The following TENM2 variants were observed in gnomAD, a reference collection of about 807,000 sequenced individuals.
TENM2 encodes the protein teneurin transmembrane protein 2, also known as teneurin-2.
TENM2 carries 52 observed loss-of-function variants against 245.2 expected under a neutral mutation model. That is an observed-to-expected ratio of 0.21 (90% CI 0.17 to 0.27). The LOEUF (loss-of-function observed/expected upper bound fraction) is 0.27, where lower values mean the gene tolerates loss of function less well. Among genes scored for constraint, TENM2 ranks in the 10% least tolerant of loss-of-function variants. The pLI, the probability that TENM2 is intolerant of heterozygous loss-of-function variation, is 1.00. For missense variants in TENM2, 3,046 were observed against 3,666.8 expected, an observed-to-expected ratio of 0.83 and a Z score of 4.37; for synonymous variants, 1,363 against 1,438.9, an observed-to-expected ratio of 0.95 and a Z score of 1.19.
At chr5:167,952,342 G>C (rs547377000) in intron 3 of TENM2, 1 of 583,392 alleles carries the variant, frequency 1.7e-6, no homozygotes, top group Non-Finnish European at 3.1e-6. Context: ...TTATCCACCT[G>C]GTTTTGCTAA....
the TENM2 span, among the ~76,000 whole-genome samples, chr5:167,056,571 G>GTATCTATATAAATATATCTATAAATATA: frequency 9.8e-6 from 1 of 101,748 alleles, no homozygotes; most frequent in Non-Finnish European, 1.9e-5. Flanking sequence ...ATATAAATAT[G>GTATCTATATAAATATATCTATAAATATA]TATCTATATA....
intron 2 of TENM2, among the ~76,000 whole-genome samples, chr5:167,490,182 C>G (rs1041377654): frequency 2.2e-4 from 33 of 152,060 alleles, no homozygotes; most frequent in African/African-American, 7.7e-4. Context: ...TACCCTTTTC[C>G]CAGCACACTG....
the TENM2 span, among the ~76,000 whole-genome samples, chr5:167,216,407 C>T: frequency 6.6e-6 from 1 of 152,190 alleles, no homozygotes; most frequent in African/African-American, 2.4e-5. Flanking sequence ...GCAAGTCTGA[C>T]ACTTACATTC....
the TENM2 span, among the ~76,000 whole-genome samples, chr5:167,191,225 T>C: frequency 6.6e-6 from 1 of 152,046 alleles, no homozygotes; most frequent in Non-Finnish European, 1.5e-5. Flanking sequence ...CACACATACA[T>C]ATATGTTACA....
intron 3 of TENM2, among the ~76,000 whole-genome samples, chr5:167,941,535 G>A (rs1478366283): frequency 6.6e-6 from 1 of 152,078 alleles, no homozygotes; most frequent in Non-Finnish European, 1.5e-5. Flanking sequence ...GCAACAGAAA[G>A]TTTTTCAAGT....
At chr5:168,199,945 C>T in exon 17 of TENM2, 2 of 1,613,998 alleles carry the variant, frequency 1.2e-6, no homozygotes, top group Non-Finnish European at 1.7e-6. Flanking sequence ...GTACAAGTCA[C>T]TGCTGAAGAT....
At chr5:167,016,332 C>G in the TENM2 span, among the ~76,000 whole-genome samples, 1 of 149,580 alleles carries the variant, frequency 6.7e-6, no homozygotes, top group African/African-American at 2.4e-5. Flanking sequence ...ACTGTCCTTT[C>G]CTGAAAAATC....
At chr5:168,070,241 C>G (rs193302809) in intron 7 of TENM2, among the ~76,000 whole-genome samples, 3 of 152,278 alleles carry the variant, frequency 2.0e-5, no homozygotes, top group African/African-American at 7.2e-5. Flanking sequence ...TGTTCATTCT[C>G]ACAACTAGAG....
intron 2 of TENM2, among the ~76,000 whole-genome samples, chr5:167,722,801 CAAAA>C (rs1188115745): frequency 6.6e-6 from 1 of 150,424 alleles, no homozygotes; most frequent in African/African-American, 2.4e-5. Context: ...ACAAAACAAA[CAAAA>C]AAAAACAACT....
chr5:167,949,256 G>C (rs1185691642), intron 3 of TENM2, among the ~76,000 whole-genome samples: 1 of 152,128 alleles, frequency 6.6e-6, no homozygotes, highest in African/African-American at 2.4e-5. Context: ...GCTCTATCCA[G>C]TTGTTTTGAG....
At chr5:168,226,400 G>T in intron 24 of TENM2, 137 bp downstream of exon 26, 1 of 698,818 alleles carries the variant, frequency 1.4e-6, no homozygotes, top group Non-Finnish European at 2.4e-6. Flanking sequence ...TTTTATTCAA[G>T]TGTCCACAGC....
At chr5:167,498,369 T>C (rs1467169852) in intron 2 of TENM2, among the ~76,000 whole-genome samples, 1 of 152,132 alleles carries the variant, frequency 6.6e-6, no homozygotes, top group Non-Finnish European at 1.5e-5. Context: ...TCAATGATCA[T>C]GCTTCCTTCT....
At chr5:167,460,578 AT>A (rs1766235028) in intron 2 of TENM2, among the ~76,000 whole-genome samples, 1 of 148,702 alleles carries the variant, frequency 6.7e-6, no homozygotes, top group Non-Finnish European at 1.5e-5. Flanking sequence ...TGTCACTGAT[AT>A]TTTTAGAAAT....
rs577915281 is a variant in TENM2 at position 168,026,400 on chromosome 5, T to C, written c.1187-21027T>C. Among the ~76,000 whole-genome samples the C allele has an allele frequency of 2.6e-5, 4 of 152,294 alleles. No homozygotes were observed. In the South Asian group the frequency reaches 6.2e-4, roughly 24 times the overall value. On this transcript the variant is annotated intron_variant, in intron 5 of 28. Coordinates refer to ENST00000518659, the Ensembl canonical transcript of TENM2. ...ATGAGCAGCAGAAGAGATGCCGACT[T>C]ATGGAGGCAGAGAGAAATCCTGAAA...
chr5:167,268,031 TTCTTTC>T, the TENM2 span, among the ~76,000 whole-genome samples: 17,145 of 152,164 alleles, frequency 0.11, 1,125 homozygotes, highest in East Asian at 0.18. Flanking sequence ...GGGTATGAGC[TTCTTTC>T]TCTGCATGTG....
intron 2 of TENM2, among the ~76,000 whole-genome samples, chr5:167,812,443 C>T (rs1405215230): frequency 2.0e-5 from 3 of 152,152 alleles, no homozygotes; most frequent in South Asian, 2.1e-4. Flanking sequence ...GTGTAGAACC[C>T]TCAGGATCAG....
At chr5:167,100,398 C>G in the TENM2 span, among the ~76,000 whole-genome samples, 1 of 152,164 alleles carries the variant, frequency 6.6e-6, no homozygotes, top group African/African-American at 2.4e-5. Flanking sequence ...CCGGCGCTCA[C>G]TGGCCGCTGT....
At chr5:167,749,664 G>A (rs559242259) in intron 2 of TENM2, among the ~76,000 whole-genome samples, 1 of 151,828 alleles carries the variant, frequency 6.6e-6, no homozygotes, top group South Asian at 2.1e-4. Context: ...AATGGGAAGA[G>A]AGCAATATTT....
At chr5:167,085,671 T>G in the TENM2 span, among the ~76,000 whole-genome samples, 1 of 152,184 alleles carries the variant, frequency 6.6e-6, no homozygotes, top group Non-Finnish European at 1.5e-5. Context: ...ATTCAAAAGC[T>G]CCTGTCTTTA....
Sources: gnomAD v4.1 joint callset for allele counts (sites outside exome capture counted in the v4.1 genomes callset) on GRCh38, gnomAD v4.1.1 for gene constraint, MANE v1.5 for transcripts, NCBI Gene and HGNC (gene_info 2026-07-23, HGNC 2026-07-21) for gene names.